COG3: variants seen among roughly 807,000 people sequenced by gnomAD.
The protein encoded by COG3 is conserved oligomeric Golgi complex subunit 3.
In COG3, 32 loss-of-function variants were observed where a neutral mutation model predicts 114.1. The ratio of observed to expected loss-of-function variants is 0.28; its 90% CI spans 0.21 to 0.38. The LOEUF (loss-of-function observed/expected upper bound fraction) is 0.38, where lower values mean the gene tolerates loss of function less well. Ranked by LOEUF, COG3 falls within the 10% of genes least tolerant of loss-of-function variation. The probability of loss-of-function intolerance (pLI) is 1.00; values close to 1 mark genes in which losing one functional copy is unlikely to be tolerated. For missense variants in COG3, 813 were observed against 973.2 expected, an observed-to-expected ratio of 0.84 and a Z score of 2.19; for synonymous variants, 352 against 365.7, an observed-to-expected ratio of 0.96 and a Z score of 0.43.
intron 13 of COG3, among the ~76,000 whole-genome samples, chr13:45,500,108 ATATATAT>A (rs2137852375): frequency 9.7e-6 from 1 of 102,942 alleles, no homozygotes; most frequent in South Asian, 4.0e-4. Flanking sequence ...ATATATATAT[ATATATAT>A]AAAAAAGAGG....
At chr13:45,529,752 TTTTTC>T (rs1873003264) in intron 20 of COG3, 34 bp from the exon 21 acceptor site, 1 of 1,517,762 alleles carries the variant, frequency 6.6e-7, no homozygotes, top group Admixed American at 2.1e-5. Context: ...ATTTCTTTTC[TTTTTC>T]TTTATGACAC....
chr13:45,465,575 G>T, intron 1 of COG3: 1 of 201,620 alleles, frequency 5.0e-6, no homozygotes, highest in East Asian at 1.4e-4. Flanking sequence ...TCTCCCAGAA[G>T]GAGAGGCAGT....
At chr13:45,505,597 G>A (rs777024598) in intron 14 of COG3, among the ~76,000 whole-genome samples, 8 of 151,686 alleles carry the variant, frequency 5.3e-5, no homozygotes, top group Non-Finnish European at 7.4e-5. Context: ...GAGCCACTGC[G>A]CCTGACCAAT....
chr13:45,481,173 G>C (rs1182764421), intron 4 of COG3, 57 bp from the exon 5 acceptor site: 1 of 893,520 alleles, frequency 1.1e-6, no homozygotes, highest in Non-Finnish European at 1.8e-6. Flanking sequence ...TTTGAGACTG[G>C]CATGTTGATT....
intron 14 of COG3, among the ~76,000 whole-genome samples, chr13:45,507,661 A>G (rs914741688): frequency 6.6e-6 from 1 of 151,900 alleles, no homozygotes; most frequent in African/African-American, 2.4e-5. Flanking sequence ...GCTACTCGGG[A>G]GGCTGAGGCA....
At chr13:45,468,392 G>T (rs761156303) in intron 1 of COG3, among the ~76,000 whole-genome samples, 1 of 152,122 alleles carries the variant, frequency 6.6e-6, no homozygotes, top group Non-Finnish European at 1.5e-5. Flanking sequence ...CATCTTAAAA[G>T]AATAGATTAG....
intron 21 of COG3, 40 bp downstream of exon 21, chr13:45,529,958 T>C: frequency 6.4e-7 from 1 of 1,574,066 alleles, no homozygotes; most frequent in Non-Finnish European, 8.6e-7. Flanking sequence ...GGCGGGTGAC[T>C]TCAAGTATTC....
At chr13:45,489,210 A>T (rs1267603366) in intron 8 of COG3, among the ~76,000 whole-genome samples, 1 of 120,942 alleles carries the variant, frequency 8.3e-6, no homozygotes, top group Non-Finnish European at 1.7e-5. Flanking sequence ...AAAAAAAAAA[A>T]AAGAGCCAGC....
chr13:45,489,262 CAAAA>C lies in COG3; in HGVS notation c.925-1638_925-1635del, dbSNP rs377551623. On this transcript the variant is annotated intron_variant, in intron 8 of 22. Transcript: ENST00000349995. ...TTTTTGACAAAGTGAGACCCAGCCT[CAAAA>C]AAAAAAAAAAAAAAGCCAACCAGTT... 2.3e-4 allele frequency among the ~76,000 whole-genome samples: 10 copies of C among 43,594 alleles called. 1 individual carries two copies. The highest frequency in any genetic ancestry group is 1.8e-3 in the South Asian group (1 of 564). The allele number at this position is 43,594 out of a possible 152,430, so 28.6% of individuals were successfully genotyped here.
chr13:45,465,471 A>G, intron 1 of COG3: 1 of 505,542 alleles, frequency 2.0e-6, no homozygotes, highest in Non-Finnish European at 3.4e-6. Context: ...GTCCTCCCCC[A>G]GCAGCATGGG....
intron 1 of COG3, among the ~76,000 whole-genome samples, chr13:45,475,431 T>C (rs980860847): frequency 6.6e-6 from 1 of 151,932 alleles, no homozygotes; most frequent in Non-Finnish European, 1.5e-5. Context: ...CTCAAATTCC[T>C]GGGCTCAAGT....
chr13:45,485,996 C>T lies in COG3; in HGVS notation c.844-499C>T, dbSNP rs1593693002. ...TGTAGGTTGTAGTGAGCCGAGATCACGCCACTGCACTCCAGCCTGGGCACC... is the reference window on the plus strand; with the variant it reads ...TGTAGGTTGTAGTGAGCCGAGATCATGCCACTGCACTCCAGCCTGGGCACC... On this transcript the variant is annotated intron_variant, in intron 7 of 22. Transcript: ENST00000349995. 1.5e-4 allele frequency among the ~76,000 whole-genome samples: 10 copies of T among 64,744 alleles called. No homozygotes were observed. In the East Asian group the frequency reaches 1.9e-3, roughly 12 times the overall value. The allele number at this position is 64,744 out of a possible 152,430, so 42.5% of individuals were successfully genotyped here.
chr13:45,465,159 C>T lies in COG3; in HGVS notation c.123C>T (p.Asp41=). The T allele has an allele frequency of 6.2e-7, 1 of 1,613,558 alleles. No homozygotes were observed. Among genetic ancestry groups the T allele is most frequent in the Non-Finnish European group, 8.5e-7 (1 of 1,179,912 alleles). ...TTAPLTDRQT[D]SVLELKAAAE... Reference sequence around the variant, plus strand: ...CGCCGCTGACCGACAGGCAGACGGACTCGGTATTGGAGCTGAAGGCGGCGG... The same window carrying T: ...CGCCGCTGACCGACAGGCAGACGGATTCGGTATTGGAGCTGAAGGCGGCGG... Residue 41 remains aspartate (D), a synonymous_variant, in exon 1 of 23, where the codon GAC becomes GAT. Coordinates refer to ENST00000349995, the MANE Select transcript of COG3 (RefSeq NM_031431.4).
chr13:45,511,967 A>T, intron 16 of COG3, 113 bp downstream of exon 16: 1 of 770,490 alleles, frequency 1.3e-6, no homozygotes, highest in Non-Finnish European at 2.2e-6. Context: ...TTTGTTTAAC[A>T]TGATTGAATT....
At chr13:45,477,773 G>A (rs1885970566) in intron 2 of COG3, among the ~76,000 whole-genome samples, 1 of 151,486 alleles carries the variant, frequency 6.6e-6, no homozygotes, top group African/African-American at 2.4e-5. Flanking sequence ...ACTACAGGCG[G>A]CCACCACCAC....
At chr13:45,509,619 G>T in intron 14 of COG3, 73 bp from the exon 15 acceptor site, 1 of 1,580,464 alleles carries the variant, frequency 6.3e-7, no homozygotes, top group Non-Finnish European at 8.6e-7. Flanking sequence ...GCAGTTTATA[G>T]TTGCCATGTA....
At position 45,484,627 on chromosome 13, in the gene COG3, A is replaced by G. The variant is rs1436839413; in HGVS notation, c.843+1272A>G. Among the ~76,000 whole-genome samples, 2 of 145,946 alleles carry G rather than the reference A, an allele frequency of 1.4e-5. 1 individual carries two copies. Among genetic ancestry groups the G allele is most frequent in the East Asian group, 3.9e-4 (2 of 5,070 alleles). On this transcript the variant is annotated intron_variant, in intron 7 of 22. Coordinates refer to ENST00000349995, the MANE Select transcript of COG3 (RefSeq NM_031431.4). Reference sequence around the variant, plus strand: ...TTATTTATTTATTTTTTTATTGATAATTCTTGGGTGTTTCTCACAGAGGGG... The same window carrying G: ...TTATTTATTTATTTTTTTATTGATAGTTCTTGGGTGTTTCTCACAGAGGGG...
rs551213580 is a variant in COG3, at chr13:45,507,514, C to G, written c.1595-2178C>G. ...GCACGGTGGCTCACACCTGTAATTC[C>G]AGCACTTTGGGAGGCCGAGGTGGGC... On this transcript the variant is annotated intron_variant, in intron 14 of 22. Coordinates refer to ENST00000349995, the MANE Select transcript of COG3 (RefSeq NM_031431.4). 1.1e-4 allele frequency among the ~76,000 whole-genome samples: 17 copies of G among 152,246 alleles called. No individual in the cohort carries two copies. In the South Asian group the frequency reaches 2.7e-3, roughly 24 times the overall value.
rs1871073977 is a variant in COG3, at chr13:45,513,198, TA to T, written c.1809+1346del. Among the ~76,000 whole-genome samples the T allele has an allele frequency of 5.6e-5, 6 of 107,418 alleles. No homozygotes were observed. The Admixed American group carries it at 6.3e-4, about 11-fold the overall frequency. 70.5% of individuals were successfully genotyped at this position (107,418 alleles called of 152,430 possible). ...TTTAAGGCTTTTATATATATATATA[TA>T]ATATATACATATAAATTATATATAT... On this transcript the variant is annotated intron_variant, in intron 16 of 22. Transcript: ENST00000349995.
Sources: allele counts gnomAD v4.1 joint callset (sites outside exome capture counted in the v4.1 genomes callset), GRCh38; gene constraint gnomAD v4.1.1; transcripts MANE v1.5; gene names NCBI Gene and HGNC (gene_info 2026-07-23, HGNC 2026-07-21).